The following SEPTIN5 variants were observed in gnomAD, a reference collection of about 807,000 sequenced individuals.
SEPTIN5 encodes septin-5.
In SEPTIN5, 16 loss-of-function variants were observed where a neutral mutation model predicts 51.2. The observed-to-expected ratio is 0.31, with a 90% CI of 0.21 to 0.47. The LOEUF (loss-of-function observed/expected upper bound fraction) is 0.47. SEPTIN5 is among the 20% of genes least tolerant of loss of function. The probability of loss-of-function intolerance (pLI) is 0.99; values close to 1 mark genes in which losing one functional copy is unlikely to be tolerated. For missense variants in SEPTIN5, 376 were observed against 500.3 expected (o/e 0.75, Z 2.37); for synonymous variants, 208 against 191.2 (o/e 1.09, Z -0.72).
intron 10 of SEPTIN5, 119 bp from the exon 11 acceptor site, chr22:19,722,118 G>T: frequency 8.3e-7 from 1 of 1,206,036 alleles, no homozygotes; most frequent in Non-Finnish European, 1.1e-6. Flanking sequence ...CAAGTCCAGG[G>T]CTGTGAGGGC....
At chr22:19,721,597 A>G (rs1365435749) in intron 8 of SEPTIN5, 43 bp from the exon 9 acceptor site, 2 of 1,606,246 alleles carry the variant, frequency 1.2e-6, no homozygotes, top group African/African-American at 2.7e-5. Flanking sequence ...TAACCGTGCA[A>G]TTACGCTCAC....
intron 2 of SEPTIN5, chr22:19,718,624 G>A: frequency 6.2e-6 from 8 of 1,291,276 alleles, no homozygotes; most frequent in Non-Finnish European, 7.9e-6. Context: ...AAAACGGGGT[G>A]GACAACGCAG....
chr22:19,722,301 G>C lies in SEPTIN5; in HGVS notation c.1015G>C (p.Ala339Pro). 1 of 1,611,570 alleles carries C rather than the reference G, an allele frequency of 6.2e-7. No homozygotes were observed. Among genetic ancestry groups the C allele is most frequent in the Non-Finnish European group, 8.5e-7 (1 of 1,179,428 alleles). Reference sequence around the variant, plus strand: ...GATCCTGCCGCTGCCCACCCCGGACGCCGAGACTGAGAAGCTTATCAGGAT... The same window carrying C: ...GATCCTGCCGCTGCCCACCCCGGACCCCGAGACTGAGAAGCTTATCAGGAT... ...IPILPLPTPD[A>P]ETEKLIRMKD... Residue 339 changes from alanine (A) to proline (P), a missense_variant, in exon 11 of 12, where the codon GCC becomes CCC. By Grantham distance (27) the Ala-to-Pro change is conservative. Around this residue, in one of 2 missense-constraint regions of SEPTIN5, gnomAD observed 89 missense variants for 83.3 expected, o/e 1.07. Transcript: ENST00000455784.
intron 2 of SEPTIN5, chr22:19,719,131 C>T: frequency 3.8e-6 from 1 of 260,834 alleles, no homozygotes. Context: ...ATAGGCGCTG[C>T]TCCGCCACCG....
intron 2 of SEPTIN5, chr22:19,719,021 G>T: frequency 2.0e-6 from 1 of 511,302 alleles, no homozygotes; most frequent in Non-Finnish European, 3.0e-6. Context: ...AAAACGCGGC[G>T]GAGAATGCGG....
At chr22:19,721,777 C>G (rs985416301) in intron 9 of SEPTIN5, 41 bp downstream of exon 9, 2 of 1,600,440 alleles carry the variant, frequency 1.2e-6, no homozygotes, top group Admixed American at 1.7e-5. Flanking sequence ...TGGGGGAAGG[C>G]TGTCCTGGGC....
Position 19,721,686 on chromosome 22 carries a change from C to T in SEPTIN5, c.764C>T (p.Ala255Val), listed in dbSNP as rs1442826627. The T allele has an allele frequency of 6.2e-7, 1 of 1,612,516 alleles. No homozygotes were observed. Among genetic ancestry groups the T allele is most frequent in the Admixed American group, 1.7e-5 (1 of 59,976 alleles). ...AVIGSNTVVEAKGQRVRGRLY... is the reference protein window; with the variant it reads ...AVIGSNTVVEVKGQRVRGRLY... ...ATAGGCAGCAACACGGTGGTGGAGG[C>T]CAAGGGGCAGCGGGTCCGGGGCCGA... The change falls in exon 9 of 12, where the codon GCC becomes GTC. Residue 255 changes from alanine to valine, a missense_variant. Coordinates refer to ENST00000455784, the MANE Select transcript of SEPTIN5 (RefSeq NM_002688.6).
rs1333226905 is a variant in SEPTIN5 at position 19,720,529 on chromosome 22, C to T, written c.498-20C>T. 2 of 1,613,324 alleles carry T rather than the reference C, an allele frequency of 1.2e-6. No homozygotes were observed. Among genetic ancestry groups the T allele is most frequent in the Non-Finnish European group, 1.7e-6 (2 of 1,180,006 alleles). ...GGCCCCCTGGCTGTGCCTATGCCCA[C>T]CCTTGGCTGCTCTCGGCAGGCTGCG... On this transcript the variant is annotated intron_variant, in intron 6 of 11. Coordinates refer to ENST00000455784, the MANE Select transcript of SEPTIN5 (RefSeq NM_002688.6).
At position 19,720,719 on chromosome 22, in the gene SEPTIN5, C is replaced by T. The variant is rs771920782; in HGVS notation, c.616-49C>T. On this transcript the variant is annotated intron_variant, in intron 7 of 11. Transcript: ENST00000455784. ...GCCAGGGCCCTGGGGCTGAGAGTAC[C>T]AGGGGGACTTGTCTGGCCTCAAATC... is the stretch of plus-strand genomic sequence containing the variant. 6.6e-5 allele frequency: 107 copies of T among 1,611,822 alleles called. No homozygotes were observed. In the Admixed American group the frequency reaches 1.8e-3, roughly 27 times the overall value.
At chr22:19,716,805 C>T (rs1232501184) in intron 2 of SEPTIN5, among the ~76,000 whole-genome samples, 1 of 152,164 alleles carries the variant, frequency 6.6e-6, no homozygotes, top group Non-Finnish European at 1.5e-5. Context: ...GGCCTAGGCC[C>T]AGGGCTGTCT....
intron 2 of SEPTIN5, 145 bp from the exon 3 acceptor site, chr22:19,719,457 G>GC: frequency 1.5e-6 from 1 of 647,218 alleles, no homozygotes; most frequent in South Asian, 2.0e-5. Flanking sequence ...TTGCCCACGG[G>GC]CCCTCCCCTT....
intron 2 of SEPTIN5, among the ~76,000 whole-genome samples, chr22:19,716,384 C>T (rs888111275): frequency 9.9e-5 from 15 of 152,240 alleles, no homozygotes; most frequent in Non-Finnish European, 2.2e-4. Context: ...TCCGTCACTA[C>T]GCTCTGTGCC....
intron 2 of SEPTIN5, chr22:19,717,420 C>G: frequency 2.2e-6 from 1 of 459,752 alleles, no homozygotes; most frequent in South Asian, 1.6e-5. Flanking sequence ...AGCTCCCAGT[C>G]CCTCCAATCC....
intron 2 of SEPTIN5, chr22:19,717,635 C>T: frequency 3.3e-6 from 1 of 299,612 alleles, no homozygotes; most frequent in South Asian, 2.6e-5. Context: ...ACTCCGGCAG[C>T]CTGCACCCTT....
chr22:19,720,812 C>T lies in SEPTIN5; in HGVS notation c.660C>T (p.Phe220=), dbSNP rs1432721127. 5 of 1,613,620 alleles carry T rather than the reference C, an allele frequency of 3.1e-6. No homozygotes were observed. The East Asian group carries it at 8.9e-5, about 29-fold the overall frequency. The change falls in exon 8 of 12, where the codon TTC becomes TTT. Residue 220 remains phenylalanine (F), a synonymous_variant. Transcript: ENST00000455784. The part of the protein sequence containing the change: ...IDKFGIHVYQ[F]PECDSDEDED... ...AGTTTGGGATCCATGTATACCAGTTCCCTGAGTGTGACTCGGACGAGGATG... is the reference window on the plus strand; with the variant it reads ...AGTTTGGGATCCATGTATACCAGTTTCCTGAGTGTGACTCGGACGAGGATG...
intron 7 of SEPTIN5, 47 bp from the exon 8 acceptor site, chr22:19,720,721 G>C: frequency 6.2e-7 from 1 of 1,612,108 alleles, no homozygotes; most frequent in Middle Eastern, 1.7e-4. Context: ...GAGAGTACCA[G>C]GGGGACTTGT....
rs1271529181 is a variant in SEPTIN5, at chr22:19,722,641, G to A, written c.*157G>A. The stretch of plus-strand genomic sequence containing the variant: ...CTCCCAGGTCATTGTGTCTGTTTCC[G>A]AGGGGCCTGGACCGTAGCCCCCGCC... On this transcript the variant is annotated 3_prime_UTR_variant, in exon 12 of 12. Transcript: ENST00000455784. 3.6e-6 allele frequency: 3 copies of A among 827,884 alleles called. No homozygotes were observed. Among genetic ancestry groups the A allele is most frequent in the Admixed American group, 2.2e-5 (1 of 44,818 alleles). The allele number at this position is 827,884 out of a possible 1,614,324, so 51.3% of individuals were successfully genotyped here. A position where few individuals can be genotyped will look rare whatever the true frequency, so the allele number is the denominator to read the frequency against.
intron 2 of SEPTIN5, chr22:19,718,525 A>G (rs1049048824): frequency 7.6e-5 from 97 of 1,274,774 alleles, no homozygotes; most frequent in African/African-American, 9.2e-5. Context: ...CAGTTCGCCC[A>G]GTCAGGGGGA....
rs1568996875 is a variant in SEPTIN5 at position 19,720,167 on chromosome 22, G to A, written c.291G>A (p.Glu97=). 1.2e-6 allele frequency: 2 copies of A among 1,613,524 alleles called. No individual in the cohort carries two copies. The highest frequency in any genetic ancestry group is 1.7e-6 in the Non-Finnish European group (2 of 1,180,020). The change falls in exon 5 of 12, where the codon GAG becomes GAA. Residue 97 remains glutamate, a synonymous_variant. Coordinates refer to ENST00000455784, the MANE Select transcript of SEPTIN5 (RefSeq NM_002688.6). ...TAAAACACACGGTGGACATTGAGGA[G>A]AAGGGAGTCAAGCTGAAGCTCACCA... The part of the protein sequence containing the change: ...EILKHTVDIE[E]KGVKLKLTIV...
Sources: allele counts gnomAD v4.1 joint callset (sites outside exome capture counted in the v4.1 genomes callset), GRCh38; gene constraint gnomAD v4.1.1; regional missense constraint gnomAD v4.1.1; transcripts MANE v1.5; gene names NCBI Gene and HGNC (gene_info 2026-07-23, HGNC 2026-07-21).